The following CYP2B6 variants were observed in gnomAD, a reference collection of about 807,000 sequenced individuals.
CYP2B6 encodes cytochrome P450 2B6.
Under a neutral mutation model 43.4 loss-of-function variants are expected in CYP2B6, and 35 were observed. The observed-to-expected ratio is 0.81, with a 90% CI of 0.62 to 1.07. CYP2B6 has a LOEUF of 1.07. CYP2B6 is among the 50% of genes least tolerant of loss of function. CYP2B6 has a pLI of 0.00. For synonymous variants in CYP2B6, 239 were observed against 239.2 expected (o/e 1.00, Z 0.01); for missense variants, 624 against 632.8 (o/e 0.99, Z 0.15).
At chr19:41,001,177 C>T (rs1969080126) in intron 1 of CYP2B6, among the ~76,000 whole-genome samples, 1 of 152,076 alleles carries the variant, frequency 6.6e-6, no homozygotes, top group Admixed American at 6.6e-5. Context: ...TCTCCAAAGC[C>T]CTCCTAGACT....
intron 3 of CYP2B6, among the ~76,000 whole-genome samples, chr19:41,005,497 A>G (rs1487226076): frequency 1.3e-5 from 2 of 151,786 alleles, no homozygotes; most frequent in Admixed American, 6.6e-5. Context: ...ACAAAAAAAT[A>G]TAGGTTGGGT....
rs780235731 is a variant in CYP2B6 at position 41,004,454 on chromosome 19, C to T, written c.484+8C>T. 6.2e-7 allele frequency: 1 copy of T among 1,613,086 alleles called. No homozygotes were observed. The highest frequency in any genetic ancestry group is 8.5e-7 in the Non-Finnish European group (1 of 1,179,706). On this transcript the variant is annotated splice_region_variant and intron_variant, in intron 3 of 8. Transcript: ENST00000324071. ...AGCTTCGGAAATCCAAGGGTGAGTCCTGGGGGATGAATAGGAAAGAAAGAC... is the reference window on the plus strand; with the variant it reads ...AGCTTCGGAAATCCAAGGGTGAGTCTTGGGGGATGAATAGGAAAGAAAGAC...
At position 41,004,332 on chromosome 19, in the gene CYP2B6, C is replaced by G. The variant is rs1401142579; in HGVS notation, c.370C>G (p.Leu124Val). ...TGCCAATGGAAACCGCTGGAAGGTGCTTCGGCGATTCTCTGTGACCACTAT... is the reference window on the plus strand; with the variant it reads ...TGCCAATGGAAACCGCTGGAAGGTGGTTCGGCGATTCTCTGTGACCACTAT... ...IFANGNRWKV[L>V]RRFSVTTMRD... The change falls in exon 3 of 9, where the codon CTT becomes GTT. Residue 124 changes from leucine to valine, a missense_variant. Leu to Val is a conservative substitution (Grantham distance 32). Transcript: ENST00000324071. 3 of 1,613,952 alleles carry G rather than the reference C, an allele frequency of 1.9e-6. No individual in the cohort carries two copies. The highest frequency in any genetic ancestry group is 2.5e-6 in the Non-Finnish European group (3 of 1,180,010).
intron 8 of CYP2B6, among the ~76,000 whole-genome samples, chr19:41,016,193 C>T (rs1460599404): frequency 1.3e-3 from 200 of 151,900 alleles, no homozygotes; most frequent in African/African-American, 4.6e-3. Context: ...GTCAGGAGCT[C>T]GAGGCTAGCC....
chr19:41,010,552 T>TA (rs1969267882), intron 6 of CYP2B6, among the ~76,000 whole-genome samples: 3 of 152,034 alleles, frequency 2.0e-5, no homozygotes, highest in Admixed American at 2.0e-4. Context: ...TAGCTGGAAC[T>TA]ACAGGCGCCT....
intron 1 of CYP2B6, among the ~76,000 whole-genome samples, chr19:40,993,575 T>A (rs1968955419): frequency 6.6e-6 from 1 of 152,094 alleles, no homozygotes. Flanking sequence ...AGGATCCAGT[T>A]ACCTCCTACT....
intron 1 of CYP2B6, 110 bp from the exon 2 acceptor site, chr19:41,003,891 G>A (rs1291124455): frequency 3.5e-5 from 51 of 1,458,968 alleles, no homozygotes; most frequent in Non-Finnish European, 4.1e-5. Context: ...CTGGGGAGGC[G>A]GATGTTGGGG....
intron 8 of CYP2B6, among the ~76,000 whole-genome samples, chr19:41,015,659 C>T (rs193051960): frequency 1.8e-3 from 269 of 152,162 alleles, no homozygotes; most frequent in African/African-American, 3.2e-3. Context: ...CTGTCTCATA[C>T]GCATCAGTCC....
intron 1 of CYP2B6, among the ~76,000 whole-genome samples, chr19:41,003,597 C>G (rs1386291937): frequency 2.0e-5 from 3 of 152,284 alleles, no homozygotes; most frequent in Non-Finnish European, 4.4e-5. Flanking sequence ...GTTTAGGGCA[C>G]AAGCCAATCA....
chr19:41,009,713 G>GA (rs1969248391), intron 5 of CYP2B6: 10 of 595,430 alleles, frequency 1.7e-5, no homozygotes, highest in African/African-American at 3.7e-5. Flanking sequence ...AGCAACAAGA[G>GA]AAAAAACTCA....
At position 41,016,239 on chromosome 19, in the gene CYP2B6, TAGA is replaced by T. The variant is rs1263720497; in HGVS notation, c.1295-402_1295-400del. On this transcript the variant is annotated intron_variant, in intron 8 of 8. Transcript: ENST00000324071. ...GATGATACCCCATGTCTACTAAAAA[TAGA>T]AGAAATTAGCCAGGCGTGGTGGCAG... Among the ~76,000 whole-genome samples the T allele has an allele frequency of 2.6e-5, 4 of 151,408 alleles. No individual in the cohort carries two copies. In the East Asian group the frequency reaches 5.8e-4, roughly 22 times the overall value.
At chr19:41,002,783 G>A (rs62109051) in intron 1 of CYP2B6, among the ~76,000 whole-genome samples, 197 of 152,130 alleles carry the variant, frequency 1.3e-3, no homozygotes, top group African/African-American at 4.6e-3. Context: ...TCCTGACCTC[G>A]TGATCAGCCT....
chr19:40,994,084 A>G (rs2014141), intron 1 of CYP2B6, among the ~76,000 whole-genome samples: 106,022 of 151,992 alleles, frequency 0.7, 38,518 homozygotes, highest in African/African-American at 0.9. Context: ...ACCACCAAGA[A>G]TGAGCACCCA....
chr19:41,012,537 CT>C (rs775164388), intron 7 of CYP2B6, 52 bp downstream of exon 7: 2 of 1,611,276 alleles, frequency 1.2e-6, no homozygotes, highest in East Asian at 4.5e-5. Context: ...CCTGGATTCT[CT>C]TAATCCCCGA....
At chr19:40,995,754 G>T (rs1872123) in intron 1 of CYP2B6, among the ~76,000 whole-genome samples, 46,024 of 151,896 alleles carry the variant, frequency 0.3, 7,573 homozygotes, top group African/African-American at 0.41. Context: ...AATAATACCT[G>T]AGACCAAGGG....
rs1036728806 is a variant in CYP2B6, at chr19:41,009,617, G to A, written c.822+222G>A. On this transcript the variant is annotated intron_variant, in intron 5 of 8. Transcript: ENST00000324071. ...AGGAGGAACTGAGACAGGGAGAGAG[G>A]GGAGGTGGGAAGACAGAATGAAAGA... is the stretch of plus-strand genomic sequence containing the variant. The A allele has an allele frequency of 5.7e-5, 36 of 630,202 alleles. 1 individual carries two copies. Among genetic ancestry groups the A allele is most frequent in the Non-Finnish European group, 9.2e-5 (33 of 358,910 alleles). 39.0% of individuals were successfully genotyped at this position (630,202 alleles called of 1,614,324 possible).
At chr19:41,009,589 G>A in intron 5 of CYP2B6, 194 bp downstream of exon 5, 2 of 661,840 alleles carry the variant, frequency 3.0e-6, no homozygotes, top group Non-Finnish European at 2.6e-6. Flanking sequence ...GGAGAAAATA[G>A]GGAGGAGGAA....
In CYP2B6 at chr19:41,016,680, T is replaced by C. The variant is rs1428015426; in HGVS notation, c.1329T>C (p.Arg443=). 1.2e-6 allele frequency: 2 copies of C among 1,614,218 alleles called. No individual in the cohort carries two copies. The highest frequency in any genetic ancestry group is 3.3e-4 in the Middle Eastern group (2 of 6,062). Residue 443 remains arginine (R), a synonymous_variant, in exon 9 of 9, where the codon CGT becomes CGC. Coordinates refer to ENST00000324071, the MANE Select transcript of CYP2B6 (RefSeq NM_000767.5). Reference sequence around the variant, plus strand: ...TTTGTCTTGGTGAAGGCATCGCCCGTGCGGAATTGTTCCTCTTCTTCACCA... The same window carrying C: ...TTTGTCTTGGTGAAGGCATCGCCCGCGCGGAATTGTTCCTCTTCTTCACCA... ...KRICLGEGIA[R]AELFLFFTTI...
At chr19:41,016,118 G>T (rs142324620) in intron 8 of CYP2B6, among the ~76,000 whole-genome samples, 17 of 152,060 alleles carry the variant, frequency 1.1e-4, no homozygotes, top group Non-Finnish European at 2.2e-4. Flanking sequence ...TGAACATGGC[G>T]CCGGGTGCAG....
Sources: gnomAD v4.1 joint callset for allele counts (sites outside exome capture counted in the v4.1 genomes callset) on GRCh38, gnomAD v4.1.1 for gene constraint, MANE v1.5 for transcripts, NCBI Gene and HGNC (gene_info 2026-07-23, HGNC 2026-07-21) for gene names.